The following FAT3 variants were observed in gnomAD, a reference collection of about 807,000 sequenced individuals.
The protein encoded by FAT3 is FAT atypical cadherin 3, also known as protocadherin Fat 3.
Under a neutral mutation model 310.2 loss-of-function variants are expected in FAT3, and 95 were observed. The observed-to-expected ratio is 0.31, with a 90% CI of 0.26 to 0.36. The LOEUF is 0.36. Among genes scored for constraint, FAT3 ranks in the 10% least tolerant of loss-of-function variants. FAT3 has a pLI of 1.00. For synonymous variants in FAT3, 2,314 were observed against 2,192.9 expected, an observed-to-expected ratio of 1.06 and a Z score of -1.54; for missense variants, 5,408 against 5,715.6, an observed-to-expected ratio of 0.95 and a Z score of 1.74.
intron 2 of FAT3, among the ~76,000 whole-genome samples, chr11:92,381,329 C>T (rs1949490896): frequency 6.6e-6 from 1 of 152,106 alleles, no homozygotes; most frequent in Non-Finnish European, 1.5e-5. Context: ...GCCTAGCCAA[C>T]ATGGTGAAAC....
chr11:92,623,964 C>A (rs547313166), intron 3 of FAT3, among the ~76,000 whole-genome samples: 13 of 152,120 alleles, frequency 8.5e-5, no homozygotes, highest in Admixed American at 4.6e-4. Flanking sequence ...AAATTAAAAT[C>A]GCTTACCCCG....
At chr11:92,620,003 G>A (rs1371410578) in intron 3 of FAT3, among the ~76,000 whole-genome samples, 1 of 151,906 alleles carries the variant, frequency 6.6e-6, no homozygotes, top group Non-Finnish European at 1.5e-5. Flanking sequence ...TCTAAGCATT[G>A]CTTTACTGCA....
chr11:92,607,544 T>G (rs1940359606), intron 3 of FAT3, among the ~76,000 whole-genome samples: 1 of 152,220 alleles, frequency 6.6e-6, no homozygotes, highest in African/African-American at 2.4e-5. Flanking sequence ...GTTTGGCAGT[T>G]TCTTAAATAT....
chr11:92,648,887 C>T (rs752359789), intron 3 of FAT3, among the ~76,000 whole-genome samples: 2 of 152,166 alleles, frequency 1.3e-5, no homozygotes, highest in South Asian at 2.1e-4. Flanking sequence ...TGGATCACAC[C>T]GGAATACTGC....
intron 3 of FAT3, among the ~76,000 whole-genome samples, chr11:92,527,964 C>T (rs1396495962): frequency 1.3e-5 from 2 of 152,158 alleles, no homozygotes; most frequent in Non-Finnish European, 2.9e-5. Context: ...TCCTCCTCTG[C>T]TGTACAGTTG....
chr11:92,438,425 C>T (rs1950993908), intron 2 of FAT3, among the ~76,000 whole-genome samples: 1 of 152,046 alleles, frequency 6.6e-6, no homozygotes, highest in African/African-American at 2.4e-5. Context: ...ACAGAGGATT[C>T]TTTTTATTGT....
intron 2 of FAT3, among the ~76,000 whole-genome samples, chr11:92,492,174 T>C (rs758427131): frequency 6.6e-5 from 10 of 152,100 alleles, no homozygotes; most frequent in Non-Finnish European, 1.0e-4. Flanking sequence ...CTTTGTGTTT[T>C]AACACAGCTT....
chr11:92,287,523 G>A (rs1274441675), intron 1 of FAT3, among the ~76,000 whole-genome samples: 2 of 152,108 alleles, frequency 1.3e-5, no homozygotes, highest in African/African-American at 2.4e-5. Context: ...TTAGAGCTGG[G>A]TTTCCCATCT....
intron 3 of FAT3, among the ~76,000 whole-genome samples, chr11:92,623,006 TTCAAGGCACTTCCCATA>T (rs1305308806): frequency 5.3e-5 from 8 of 152,150 alleles, no homozygotes; most frequent in African/African-American, 1.7e-4. Flanking sequence ...CAAGCTTGGA[TTCAAGGCACTTCCCATA>T]ACAAGGCTGA....
Position 92,383,811 on chromosome 11 carries a change from C to T in FAT3, c.3292+28407C>T, listed in dbSNP as rs142124959. ...CCCTGATGTACCAGTTCAGCAAACA[C>T]ATTTCATTTTTTTTAAAAGGAAAGA... On this transcript the variant is annotated intron_variant, in intron 2 of 27. Transcript: ENST00000525166. 6.0e-3 allele frequency among the ~76,000 whole-genome samples: 906 copies of T among 152,104 alleles called. 16 individuals are homozygous for T. Among genetic ancestry groups the T allele is most frequent in the African/African-American group, 0.02 (833 of 41,480 alleles).
intron 2 of FAT3, among the ~76,000 whole-genome samples, chr11:92,381,305 G>A (rs1181613591): frequency 6.6e-6 from 1 of 152,186 alleles, no homozygotes; most frequent in African/African-American, 2.4e-5. Flanking sequence ...AGGTCGGTCA[G>A]GAGTTTGAGT....
At chr11:92,770,080 AGCT>A (rs1946421500) in intron 6 of FAT3, among the ~76,000 whole-genome samples, 1 of 152,194 alleles carries the variant, frequency 6.6e-6, no homozygotes, top group Admixed American at 6.5e-5. Context: ...TTTCTATTAC[AGCT>A]GCTCCTTCAT....
At chr11:92,448,078 C>G (rs563614243) in intron 2 of FAT3, among the ~76,000 whole-genome samples, 1 of 152,208 alleles carries the variant, frequency 6.6e-6, no homozygotes, top group East Asian at 1.9e-4. Flanking sequence ...TGGCCTCGGA[C>G]AAGTCTTTAT....
chr11:92,640,719 G>T (rs866835157), intron 3 of FAT3, among the ~76,000 whole-genome samples: 8 of 152,142 alleles, frequency 5.3e-5, no homozygotes, highest in Non-Finnish European at 7.3e-5. Context: ...CAACTGTATA[G>T]AGTATTTAAT....
At chr11:92,232,722 G>T (rs1864240464) in intron 1 of FAT3, among the ~76,000 whole-genome samples, 1 of 140,696 alleles carries the variant, frequency 7.1e-6, no homozygotes, top group Non-Finnish European at 1.5e-5. Flanking sequence ...TGGAGTGGAC[G>T]CATGGTGTCT....
At chr11:92,445,239 A>T (rs562627435) in intron 2 of FAT3, among the ~76,000 whole-genome samples, 1 of 152,230 alleles carries the variant, frequency 6.6e-6, no homozygotes, top group East Asian at 1.9e-4. Context: ...GTTGTACGTC[A>T]GTAGCTCTCA....
At chr11:92,796,125 G>A (rs989662254) in intron 9 of FAT3, among the ~76,000 whole-genome samples, 28 of 151,886 alleles carry the variant, frequency 1.8e-4, no homozygotes, top group African/African-American at 6.5e-4. Context: ...ATCACTGGAA[G>A]GTGACCATTG....
intron 5 of FAT3, 44 bp from the exon 6 acceptor site, chr11:92,764,835 T>C: frequency 6.4e-7 from 1 of 1,566,228 alleles, no homozygotes; most frequent in Non-Finnish European, 8.7e-7. Context: ...TCTACAACAA[T>C]CAGAGGTCTG....
chr11:92,512,707 A>C (rs1953339507), intron 2 of FAT3, among the ~76,000 whole-genome samples: 1 of 150,946 alleles, frequency 6.6e-6, no homozygotes, highest in African/African-American at 2.4e-5. Flanking sequence ...GGAACTTAAC[A>C]TGAGTGACTC....
Sources: gnomAD v4.1 joint callset for allele counts (sites outside exome capture counted in the v4.1 genomes callset) on GRCh38, gnomAD v4.1.1 for gene constraint, MANE v1.5 for transcripts, NCBI Gene and HGNC (gene_info 2026-07-23, HGNC 2026-07-21) for gene names.